Variants in GALNTL6 observed in about 807,000 individuals in gnomAD.
GALNTL6 encodes the protein polypeptide N-acetylgalactosaminyltransferase-like 6.
Under a neutral mutation model 73.7 loss-of-function variants are expected in GALNTL6, and 46 were observed. The observed-to-expected ratio is 0.62, with a 90% CI of 0.49 to 0.80. The LOEUF is 0.80. Ranked by LOEUF, GALNTL6 falls within the 30% of genes least tolerant of loss-of-function variation. GALNTL6 has a pLI of 0.00. For missense variants in GALNTL6, 604 were observed against 755.0 expected (o/e 0.80, Z 2.34); for synonymous variants, 259 against 263.7 (o/e 0.98, Z 0.17).
intron 2 of GALNTL6, among the ~76,000 whole-genome samples, chr4:172,049,530 C>T (rs550068197): frequency 6.6e-6 from 1 of 152,068 alleles, no homozygotes; most frequent in Non-Finnish European, 1.5e-5. Flanking sequence ...CAGTAACAAG[C>T]CATATAATCA....
intron 5 of GALNTL6, among the ~76,000 whole-genome samples, chr4:172,714,742 A>G (rs1458914286): frequency 6.6e-6 from 1 of 152,122 alleles, no homozygotes; most frequent in Non-Finnish European, 1.5e-5. Context: ...AGTATTCAGG[A>G]AAGCAGCAGG....
chr4:172,253,257 T>A (rs956116191), intron 3 of GALNTL6, among the ~76,000 whole-genome samples: 2 of 151,944 alleles, frequency 1.3e-5, no homozygotes, highest in Non-Finnish European at 2.9e-5. Context: ...GGGTAGTGTG[T>A]TCAGAGAAAG....
At chr4:172,455,320 G>T (rs1732355011) in intron 5 of GALNTL6, among the ~76,000 whole-genome samples, 1 of 152,132 alleles carries the variant, frequency 6.6e-6, no homozygotes, top group Non-Finnish European at 1.5e-5. Context: ...AGGAGTTTTT[G>T]TCATACCTCA....
chr4:172,151,962 CTA>C, intron 2 of GALNTL6, among the ~76,000 whole-genome samples: 1 of 150,498 alleles, frequency 6.6e-6, no homozygotes, highest in East Asian at 1.9e-4. Context: ...ATCTATCTAT[CTA>C]TCTATCTATC....
chr4:172,906,601 C>T (rs1746906558), intron 8 of GALNTL6, among the ~76,000 whole-genome samples: 3 of 152,176 alleles, frequency 2.0e-5, no homozygotes, highest in Admixed American at 2.0e-4. Flanking sequence ...ACTGGAGAAA[C>T]CTCTCCTTCC....
intron 5 of GALNTL6, among the ~76,000 whole-genome samples, chr4:172,772,887 G>A (rs998155751): frequency 4.6e-5 from 7 of 152,144 alleles, no homozygotes; most frequent in Non-Finnish European, 1.0e-4. Flanking sequence ...CCTTATAAGA[G>A]GGAAGAAGAG....
chr4:172,721,080 A>T (rs1735444897), intron 5 of GALNTL6, among the ~76,000 whole-genome samples: 2 of 152,218 alleles, frequency 1.3e-5, no homozygotes, highest in South Asian at 4.1e-4. Context: ...ATTCAGTAAT[A>T]GAAGTGCATA....
intron 2 of GALNTL6, among the ~76,000 whole-genome samples, chr4:171,862,026 T>G (rs1459539327): frequency 1.3e-5 from 2 of 152,156 alleles, no homozygotes; most frequent in East Asian, 3.9e-4. Context: ...TCTTCCATAC[T>G]AAAGTTGAGA....
At chr4:172,021,541 C>CAAACCATA (rs1212665329) in intron 2 of GALNTL6, among the ~76,000 whole-genome samples, 3 of 151,904 alleles carry the variant, frequency 2.0e-5, no homozygotes, top group Non-Finnish European at 4.4e-5. Flanking sequence ...AGATTCAAAG[C>CAAACCATA]AAACCATATC....
intron 5 of GALNTL6, among the ~76,000 whole-genome samples, chr4:172,562,445 C>T (rs1485378160): frequency 1.3e-5 from 2 of 152,188 alleles, no homozygotes; most frequent in African/African-American, 4.8e-5. Flanking sequence ...CTCACCAGGC[C>T]GCCTTTCTGT....
intron 5 of GALNTL6, among the ~76,000 whole-genome samples, chr4:172,599,799 C>A (rs1579228698): frequency 6.6e-6 from 1 of 152,002 alleles, no homozygotes; most frequent in South Asian, 2.1e-4. Flanking sequence ...CCTTCAATGA[C>A]TTTTGTACCA....
intron 7 of GALNTL6, among the ~76,000 whole-genome samples, chr4:172,881,973 G>C (rs1410478094): frequency 2.6e-5 from 4 of 151,256 alleles, no homozygotes; most frequent in Non-Finnish European, 2.9e-5. Flanking sequence ...ATCGATCAAG[G>C]TAATTAGGTA....
At chr4:172,284,004 T>C (rs1739161768) in intron 3 of GALNTL6, among the ~76,000 whole-genome samples, 1 of 152,188 alleles carries the variant, frequency 6.6e-6, no homozygotes, top group South Asian at 2.1e-4. Flanking sequence ...CCCCTTTTTC[T>C]TGACTCTTTC....
At chr4:172,930,987 T>C (rs868249164) in intron 8 of GALNTL6, among the ~76,000 whole-genome samples, 174 bp from the exon 9 acceptor site, 1 of 152,186 alleles carries the variant, frequency 6.6e-6, no homozygotes, top group Non-Finnish European at 1.5e-5. Flanking sequence ...TAAACTTTTA[T>C]GAATCTAGGT....
chr4:172,529,261 A>T (rs1035747931), intron 5 of GALNTL6, among the ~76,000 whole-genome samples: 7 of 151,826 alleles, frequency 4.6e-5, no homozygotes, highest in Admixed American at 4.6e-4. Flanking sequence ...GATTTTTTTT[A>T]AAAACTGGTA....
intron 12 of GALNTL6, among the ~76,000 whole-genome samples, chr4:173,024,160 A>C (rs1753133213): frequency 1.3e-5 from 2 of 152,246 alleles, no homozygotes; most frequent in South Asian, 4.1e-4. Flanking sequence ...AACTGGCTGC[A>C]GTGGTTTCAA....
intron 2 of GALNTL6, among the ~76,000 whole-genome samples, chr4:172,030,043 G>C (rs1477406776): frequency 6.6e-6 from 1 of 152,010 alleles, no homozygotes; most frequent in Non-Finnish European, 1.5e-5. Context: ...TGTAATACAG[G>C]TATTAATATT....
chr4:172,807,392 G>T (rs1741027014), intron 5 of GALNTL6, among the ~76,000 whole-genome samples: 2 of 152,128 alleles, frequency 1.3e-5, no homozygotes, highest in Non-Finnish European at 2.9e-5. Context: ...TGTCATTTGG[G>T]CTCAGCATTC....
intron 5 of GALNTL6, among the ~76,000 whole-genome samples, chr4:172,404,351 C>T (rs336000): frequency 0.87 from 132,108 of 152,004 alleles, 57,417 homozygotes; most frequent in South Asian, 0.89. Context: ...ATTATAATAG[C>T]TGACAAATAC....
Sources: allele counts gnomAD v4.1 joint callset (sites outside exome capture counted in the v4.1 genomes callset), GRCh38; gene constraint gnomAD v4.1.1; transcripts MANE v1.5; gene names NCBI Gene and HGNC (gene_info 2026-07-23, HGNC 2026-07-21).